CD300LF: variants seen among roughly 807,000 people sequenced by gnomAD.
CD300LF encodes CMRF35-like molecule 1.
CD300LF carries 27 observed loss-of-function variants against 32.2 expected under a neutral mutation model. That is an observed-to-expected ratio of 0.84 (90% CI 0.62 to 1.15). CD300LF has a LOEUF of 1.15. CD300LF is among the 50% of genes most tolerant of loss of function. CD300LF has a pLI of 0.00. For synonymous variants in CD300LF, 139 were observed against 143.2 expected (o/e 0.97, Z 0.21); for missense variants, 348 against 356.8 (o/e 0.98, Z 0.20).
At chr17:74,695,607 C>G in intron 6 of CD300LF, 118 bp downstream of exon 6, 2 of 1,448,972 alleles carry the variant, frequency 1.4e-6, no homozygotes, top group Non-Finnish European at 1.9e-6. Flanking sequence ...TGGCTTTGCC[C>G]CACACCTGCC....
At position 74,698,450 on chromosome 17, in the gene CD300LF, G is replaced by A. The variant is rs532653695; in HGVS notation, c.478C>T (p.Pro160Ser). ...HKLLKLSVLL[P>S]LIFTILLLLL... ...AGCAGCAATATGGTGAAGATGAGGG[G>A]CAGGAGGACACTGAGCTTCAGGAGC... The change falls in exon 4 of 7, where the codon CCC becomes TCC. Residue 160 changes from proline to serine, a missense_variant. Transcript: ENST00000326165. 52 of 1,613,948 alleles carry A rather than the reference G, an allele frequency of 3.2e-5. No individual in the cohort carries two copies. In the East Asian group the frequency reaches 4.7e-4, roughly 15 times the overall value.
rs1446533194 is a variant in CD300LF at position 74,709,215 on chromosome 17, T to C, written c.43+3609A>G. On this transcript the variant is annotated intron_variant, in intron 1 of 6. Coordinates refer to ENST00000326165, the MANE Select transcript of CD300LF (RefSeq NM_139018.5). ...CTCCAGCCTGGAGACAGAGCAAGAC[T>C]GACTCAAAAAAAAAAAGGAAAAAAG... Among the ~76,000 whole-genome samples the C allele has an allele frequency of 5.3e-5, 8 of 150,306 alleles. No individual in the cohort carries two copies. The South Asian group carries it at 1.5e-3, about 27-fold the overall frequency.
In CD300LF at chr17:74,694,961, T is replaced by C; in HGVS notation, c.*135A>G. 2.0e-6 allele frequency: 2 copies of C among 1,006,956 alleles called. No homozygotes were observed. Among genetic ancestry groups the C allele is most frequent in the Non-Finnish European group, 2.9e-6 (2 of 691,862 alleles). The allele number at this position is 1,006,956 out of a possible 1,614,324, so 62.4% of individuals were successfully genotyped here. A position where few individuals can be genotyped will look rare whatever the true frequency, so the allele number is the denominator to read the frequency against. ...CTTGGCCCCAAGCCCAACCCAGAGC[T>C]AGGGGCAATGCTGGCTGATCAGGCA... On this transcript the variant is annotated 3_prime_UTR_variant, in exon 7 of 7. Transcript: ENST00000326165.
Position 74,695,225 on chromosome 17 carries a change from G to C in CD300LF, c.744C>G (p.Ser248=). 1 of 1,614,132 alleles carries C rather than the reference G, an allele frequency of 6.2e-7. No individual in the cohort carries two copies. The highest frequency in any genetic ancestry group is 8.5e-7 in the Non-Finnish European group (1 of 1,180,012). Reference sequence around the variant, plus strand: ...CAGCACCCAAGGTCAGAGATGCATAGGAAATGTCCTCCTTCGGCAAGGAAG... The same window carrying C: ...CAGCACCCAAGGTCAGAGATGCATACGAAATGTCCTCCTTCGGCAAGGAAG... The part of the protein sequence containing the change: ...TMASLPKEDI[S]YASLTLGAED... Residue 248 remains serine (S), a synonymous_variant, in exon 7 of 7, where the codon TCC becomes TCG. Transcript: ENST00000326165.
chr17:74,695,867 A>G lies in CD300LF; in HGVS notation c.583-8T>C, dbSNP rs1233915460. 8.7e-6 allele frequency: 14 copies of G among 1,611,512 alleles called. No individual in the cohort carries two copies. Among genetic ancestry groups the G allele is most frequent in the Non-Finnish European group, 1.2e-5 (14 of 1,178,512 alleles). ...CTCCAGGGGCTGCAGTACCTGGGACAGGGAACACAGGCTGGGGAGTCACAA... is the reference window on the plus strand; with the variant it reads ...CTCCAGGGGCTGCAGTACCTGGGACGGGGAACACAGGCTGGGGAGTCACAA... On this transcript the variant is annotated splice_polypyrimidine_tract_variant and splice_region_variant and intron_variant, in intron 5 of 6. Transcript: ENST00000326165.
intron 5 of CD300LF, among the ~76,000 whole-genome samples, 166 bp downstream of exon 5, chr17:74,696,029 C>T (rs566615558): frequency 1.3e-5 from 2 of 152,312 alleles, no homozygotes; most frequent in African/African-American, 4.8e-5. Context: ...CCTTGTCCCC[C>T]TGGCTGTTTC....
At chr17:74,703,201 C>T in intron 2 of CD300LF, 103 bp from the exon 3 acceptor site, 2 of 1,410,320 alleles carry the variant, frequency 1.4e-6, no homozygotes, top group African/African-American at 2.8e-5. Context: ...CATGAGCCCA[C>T]CCGCAGCCCT....
Position 74,712,888 on chromosome 17 carries a change from G to A in CD300LF, c.-22C>T, listed in dbSNP as rs200814939. ...GCATCTTCTCTTCAGACAGGTCCCC[G>A]TTCCCCTCAGTGGAGCCTGGCAGCA... On this transcript the variant is annotated 5_prime_UTR_variant, in exon 1 of 7. It adds an upstream start codon to the 5' untranslated region. Coordinates refer to ENST00000326165, the MANE Select transcript of CD300LF (RefSeq NM_139018.5). 415 of 1,613,148 alleles carry A rather than the reference G, an allele frequency of 2.6e-4. 1 individual carries two copies. The Admixed American group carries it at 2.8e-3, about 11-fold the overall frequency.
Position 74,695,732 on chromosome 17 carries a change from A to G in CD300LF, c.710T>C (p.Val237Ala), listed in dbSNP as rs1290591566. Residue 237 changes from valine to alanine, a missense_variant, in exon 6 of 7, where the codon GTC (valine) becomes GCC (alanine). Val to Ala is a moderately conservative substitution (Grantham distance 64, BLOSUM62 0). Transcript: ENST00000326165. ...CCCCCATGGAGGACGCACCATGGTGACATATTCCACTTCCACCTGGTCAAC... is the reference window on the plus strand; with the variant it reads ...CCCCCATGGAGGACGCACCATGGTGGCATATTCCACTTCCACCTGGTCAAC... ...AQVDQVEVEY[V>A]TMASLPKEDI... is the part of the protein sequence containing the mutation. 3 of 1,613,970 alleles carry G rather than the reference A, an allele frequency of 1.9e-6. No individual in the cohort carries two copies. The highest frequency in any genetic ancestry group is 2.7e-5 in the African/African-American group (2 of 74,910).
At chr17:74,696,027 C>T (rs904403651) in intron 5 of CD300LF, among the ~76,000 whole-genome samples, 168 bp from the exon 6 acceptor site, 4 of 152,162 alleles carry the variant, frequency 2.6e-5, no homozygotes, top group African/African-American at 9.7e-5. Context: ...GCCCTTGTCC[C>T]CCTGGCTGTT....
chr17:74,704,845 C>G, intron 1 of CD300LF, 29 bp from the exon 2 acceptor site: 1 of 1,562,162 alleles, frequency 6.4e-7, no homozygotes, highest in South Asian at 1.2e-5. Flanking sequence ...TGTGCTGTCA[C>G]CTCCCACCCC....
In CD300LF at chr17:74,695,701, C is replaced by T. The variant is rs374238312; in HGVS notation, c.717+24G>A. 3.1e-6 allele frequency: 5 copies of T among 1,613,858 alleles called. No homozygotes were observed. In the African/African-American group the frequency reaches 6.7e-5, roughly 22 times the overall value. On this transcript the variant is annotated intron_variant, in intron 6 of 6. Transcript: ENST00000326165. The stretch of plus-strand genomic sequence containing the variant: ...CCTGTGTCCCCCTGCCCCAGCCTCA[C>T]AGCAGCCCCCATGGAGGACGCACCA...
At chr17:74,704,857 A>C in intron 1 of CD300LF, 41 bp from the exon 2 acceptor site, 4 of 1,495,730 alleles carry the variant, frequency 2.7e-6, no homozygotes, top group Non-Finnish European at 3.7e-6. Flanking sequence ...TCCCACCCCA[A>C]GGGCAGGGCC....
intron 3 of CD300LF, among the ~76,000 whole-genome samples, chr17:74,701,874 C>T (rs1028286336): frequency 2.7e-5 from 4 of 146,642 alleles, no homozygotes; most frequent in Admixed American, 6.8e-5. Flanking sequence ...AAACAATTAG[C>T]TGGGTGTGGT....
intron 4 of CD300LF, 70 bp from the exon 5 acceptor site, chr17:74,696,287 G>A: frequency 6.6e-7 from 1 of 1,507,764 alleles, no homozygotes; most frequent in Non-Finnish European, 8.9e-7. Flanking sequence ...CCAGGTCTAG[G>A]GAAGAGAAAT....
At chr17:74,704,881 T>C in intron 1 of CD300LF, 65 bp from the exon 2 acceptor site, 1 of 1,277,298 alleles carries the variant, frequency 7.8e-7, no homozygotes, top group Non-Finnish European at 1.1e-6. Context: ...GCTTTCTGTT[T>C]AGGGAATAGC....
intron 2 of CD300LF, among the ~76,000 whole-genome samples, chr17:74,703,928 C>G (rs977481430): frequency 2.0e-5 from 3 of 152,232 alleles, no homozygotes; most frequent in Non-Finnish European, 4.4e-5. Context: ...ACAAATGGCT[C>G]ATGGTGGGAT....
chr17:74,695,001 C>T lies in CD300LF; in HGVS notation c.*95G>A, dbSNP rs568403034. 1.1e-5 allele frequency: 15 copies of T among 1,360,120 alleles called. No individual in the cohort carries two copies. Among genetic ancestry groups the T allele is most frequent in the Middle Eastern group, 4.8e-4 (2 of 4,128 alleles). The allele number at this position is 1,360,120 out of a possible 1,614,324, so 84.3% of individuals were successfully genotyped here. A position where few individuals can be genotyped will look rare whatever the true frequency, so the allele number is the denominator to read the frequency against. The stretch of plus-strand genomic sequence containing the variant: ...CTGATCAGGCAGAGGCACCAGTCCC[C>T]GGGTTGGTCCTGATGAGGGGAGCAG... On this transcript the variant is annotated 3_prime_UTR_variant, in exon 7 of 7. Coordinates refer to ENST00000326165, the MANE Select transcript of CD300LF (RefSeq NM_139018.5).
At chr17:74,699,517 C>T (rs2032841075) in intron 3 of CD300LF, among the ~76,000 whole-genome samples, 1 of 152,108 alleles carries the variant, frequency 6.6e-6, no homozygotes. Flanking sequence ...TAAACACACA[C>T]AGGAAGAAGA....
Sources: allele counts gnomAD v4.1 joint callset (sites outside exome capture counted in the v4.1 genomes callset), GRCh38; gene constraint gnomAD v4.1.1; transcripts MANE v1.5; gene names NCBI Gene and HGNC (gene_info 2026-07-23, HGNC 2026-07-21).